CEP85L: variants seen among roughly 807,000 people sequenced by gnomAD.
CEP85L encodes the protein centrosomal protein 85L.
In CEP85L, 60 loss-of-function variants were observed where a neutral mutation model predicts 100.3. The ratio of observed to expected loss-of-function variants is 0.60; its 90% confidence interval spans 0.49 to 0.74. CEP85L has a LOEUF of 0.74. Among genes scored for constraint, CEP85L ranks in the 30% least tolerant of loss-of-function variants. CEP85L has a pLI of 0.00. For missense variants in CEP85L, 973 were observed against 936.2 expected (o/e 1.04, Z -0.51); for synonymous variants, 319 against 322.7 (o/e 0.99, Z 0.12).
intron 10 of CEP85L, among the ~76,000 whole-genome samples, chr6:118,476,347 G>A (rs1773371805): frequency 6.6e-6 from 1 of 150,962 alleles, no homozygotes. Flanking sequence ...TCAAAATTTA[G>A]TATTAACTTC....
At chr6:118,496,233 C>A (rs931065184) in intron 5 of CEP85L, among the ~76,000 whole-genome samples, 2 of 152,138 alleles carry the variant, frequency 1.3e-5, no homozygotes, top group African/African-American at 4.8e-5. Context: ...AAATTATCAA[C>A]CACATTAAGT....
Position 118,558,943 on chromosome 6 carries a change from A to ACTCG in CEP85L, c.1020+6582_1020+6585dup, listed in dbSNP as rs1779066083. The stretch of plus-strand genomic sequence containing the variant: ...TATCATGGAGAAAGTCCAATACCTC[A>ACTCG]CTCGCTCAGCTATAAGAAGAGCCTC... On this transcript the variant is annotated intron_variant, in intron 3 of 12. Transcript: ENST00000368491. 4 of 1,613,794 alleles carry ACTCG rather than the reference A, an allele frequency of 2.5e-6. No individual in the cohort carries two copies. The highest frequency in any genetic ancestry group is 3.4e-6 in the Non-Finnish European group (4 of 1,179,734).
intron 1 of CEP85L, among the ~76,000 whole-genome samples, chr6:118,699,311 C>T (rs553736569): frequency 3.3e-5 from 5 of 152,008 alleles, no homozygotes; most frequent in African/African-American, 1.2e-4. Context: ...AGCAATTAGC[C>T]GAGCATGGTG....
At chr6:118,602,657 A>C (rs1781843971) in intron 2 of CEP85L, among the ~76,000 whole-genome samples, 2 of 152,206 alleles carry the variant, frequency 1.3e-5, no homozygotes, top group Non-Finnish European at 2.9e-5. Context: ...TTCCCTCTCC[A>C]GTTTCTCATT....
intron 2 of CEP85L, among the ~76,000 whole-genome samples, chr6:118,597,165 C>T (rs1439125407): frequency 6.6e-6 from 1 of 152,160 alleles, no homozygotes; most frequent in Non-Finnish European, 1.5e-5. Flanking sequence ...ACTCTGAGTC[C>T]ATTTAACCTC....
chr6:118,529,534 G>C (rs1470191667), intron 3 of CEP85L, among the ~76,000 whole-genome samples: 1 of 147,374 alleles, frequency 6.8e-6, no homozygotes, highest in African/African-American at 2.5e-5. Flanking sequence ...CGTGAACCTG[G>C]GAGGCGGACC....
At chr6:118,492,467 T>C (rs1774639922) in intron 5 of CEP85L, among the ~76,000 whole-genome samples, 1 of 152,094 alleles carries the variant, frequency 6.6e-6, no homozygotes, top group African/African-American at 2.4e-5. Flanking sequence ...GTTGAATGAA[T>C]AAATGTATTA....
chr6:118,612,687 GGGGGGGA>G (rs1190238463), intron 2 of CEP85L, among the ~76,000 whole-genome samples: 3 of 76,356 alleles, frequency 3.9e-5, no homozygotes, highest in African/African-American at 9.1e-5. Flanking sequence ...GGGGGGGGGG[GGGGGGGA>G]CTCTCAAATC....
intron 1 of CEP85L, among the ~76,000 whole-genome samples, chr6:118,680,686 G>A (rs1039105682): frequency 6.7e-6 from 1 of 150,122 alleles, no homozygotes; most frequent in Non-Finnish European, 1.5e-5. Flanking sequence ...AGACCGGCCT[G>A]GGCAACATGG....
chr6:118,507,609 C>G (rs1204339900), intron 5 of CEP85L, among the ~76,000 whole-genome samples: 3 of 152,142 alleles, frequency 2.0e-5, no homozygotes, highest in Admixed American at 6.5e-5. Flanking sequence ...ACATATCTAC[C>G]ACTACCTTTC....
chr6:118,514,653 A>G (rs1046111377), intron 4 of CEP85L, among the ~76,000 whole-genome samples: 1 of 152,204 alleles, frequency 6.6e-6, no homozygotes, highest in African/African-American at 2.4e-5. Flanking sequence ...GAATGGATAA[A>G]AAGTAGGACC....
chr6:118,656,398 A>G (rs1219981705), upstream of CEP85L, among the ~76,000 whole-genome samples: 1 of 152,184 alleles, frequency 6.6e-6, no homozygotes, highest in Non-Finnish European at 1.5e-5. Context: ...TAATGAGAGT[A>G]AGGGAGTAAA....
intron 1 of CEP85L, among the ~76,000 whole-genome samples, chr6:118,641,923 T>C (rs1337136349): frequency 6.6e-6 from 1 of 152,098 alleles, no homozygotes; most frequent in Non-Finnish European, 1.5e-5. Context: ...AGGGTAAAGA[T>C]GATGCTTTCA....
chr6:118,549,319 G>C (rs1271657068), intron 3 of CEP85L, among the ~76,000 whole-genome samples: 1 of 151,848 alleles, frequency 6.6e-6, no homozygotes, highest in Non-Finnish European at 1.5e-5. Flanking sequence ...CAGGAATGGA[G>C]ATGCCACAAT....
intron 5 of CEP85L, among the ~76,000 whole-genome samples, chr6:118,508,250 A>C (rs1266376430): frequency 6.6e-6 from 1 of 152,176 alleles, no homozygotes. Context: ...AAATAGAAAA[A>C]AATGATATAA....
intron 1 of CEP85L, among the ~76,000 whole-genome samples, chr6:118,643,146 A>C (rs1774982635): frequency 6.6e-6 from 1 of 152,244 alleles, no homozygotes; most frequent in Admixed American, 6.5e-5. Flanking sequence ...GTCTTAAAAT[A>C]TTACAAAATA....
chr6:118,652,412 G>A, upstream of CEP85L: 6 of 1,120,946 alleles, frequency 5.4e-6, no homozygotes, highest in Non-Finnish European at 6.6e-6. Context: ...ACTTCTCACT[G>A]GCAATATGGT....
chr6:118,572,991 G>A (rs1779998158), intron 2 of CEP85L, among the ~76,000 whole-genome samples: 1 of 152,162 alleles, frequency 6.6e-6, no homozygotes, highest in Admixed American at 6.5e-5. Flanking sequence ...GAACCCAGGA[G>A]GCAGAGGTTG....
intron 4 of CEP85L, among the ~76,000 whole-genome samples, chr6:118,517,931 T>G (rs755246773): frequency 2.0e-5 from 3 of 152,146 alleles, no homozygotes; most frequent in Non-Finnish European, 4.4e-5. Context: ...GTTTATTGAG[T>G]TTTTAGCATG....
Sources: allele counts gnomAD v4.1 joint callset (sites outside exome capture counted in the v4.1 genomes callset), GRCh38; gene constraint gnomAD v4.1.1; transcripts MANE v1.5; gene names NCBI Gene and HGNC (gene_info 2026-07-23, HGNC 2026-07-21).